HORMAD2: variants seen among roughly 807,000 people sequenced by gnomAD.
HORMAD2 encodes the protein HORMA domain-containing protein 2.
A neutral mutation model predicts 38.8 loss-of-function variants in HORMAD2; 45 were observed. The observed-to-expected ratio is 1.16, with a 90% CI of 0.91 to 1.49. HORMAD2 has a LOEUF of 1.49. Among genes scored for constraint, HORMAD2 ranks in the 40% most tolerant of loss-of-function variants. HORMAD2 has a pLI of 0.00. For missense variants in HORMAD2, 338 were observed against 367.0 expected, an observed-to-expected ratio of 0.92 and a Z score of 0.65; for synonymous variants, 126 against 122.8, an observed-to-expected ratio of 1.03 and a Z score of -0.17.
At chr22:30,133,233 C>A (rs1233525382) in intron 10 of HORMAD2, among the ~76,000 whole-genome samples, 1 of 151,898 alleles carries the variant, frequency 6.6e-6, no homozygotes, top group Non-Finnish European at 1.5e-5. Flanking sequence ...TTAAAGTTTT[C>A]TATTTGATGC....
intron 10 of HORMAD2, among the ~76,000 whole-genome samples, chr22:30,123,992 T>C (rs1032170264): frequency 1.4e-4 from 21 of 146,454 alleles, no homozygotes; most frequent in African/African-American, 5.0e-4. Context: ...ATTTCTTTCT[T>C]TTTTTTTTTT....
intron 5 of HORMAD2, among the ~76,000 whole-genome samples, chr22:30,110,574 CAG>C (rs1921561163): frequency 6.6e-6 from 1 of 151,710 alleles, no homozygotes; most frequent in Non-Finnish European, 1.5e-5. Flanking sequence ...TTAGTAGAGA[CAG>C]AGTTTCACCA....
At chr22:30,089,351 G>T (rs5997567) in intron 1 of HORMAD2, among the ~76,000 whole-genome samples, 27,077 of 149,996 alleles carry the variant, frequency 0.18, 2,492 homozygotes, top group African/African-American at 0.2. Flanking sequence ...ATTTGCTGCT[G>T]CTTCTTTTTT....
rs529991671 is a variant in HORMAD2, at chr22:30,109,606, T to C, written c.295-2190T>C. ...TGCTGGGATTACAGGCAAGAACCAC[T>C]GTGACTGGCCTGAAATTTTCTGATT... On this transcript the variant is annotated intron_variant, in intron 5 of 10. Coordinates refer to ENST00000336726, the MANE Select transcript of HORMAD2 (RefSeq NM_152510.4). 5.3e-5 allele frequency among the ~76,000 whole-genome samples: 8 copies of C among 152,342 alleles called. No homozygotes were observed. The East Asian group carries it at 1.3e-3, about 26-fold the overall frequency.
chr22:30,164,149 A>G (rs911822307), intron 10 of HORMAD2, among the ~76,000 whole-genome samples: 2 of 152,346 alleles, frequency 1.3e-5, no homozygotes, highest in Middle Eastern at 3.4e-3. Context: ...TTAAAGCTGA[A>G]TAATATTCCA....
intron 10 of HORMAD2, among the ~76,000 whole-genome samples, chr22:30,161,922 T>C (rs1432583845): frequency 6.6e-6 from 1 of 152,196 alleles, no homozygotes; most frequent in Non-Finnish European, 1.5e-5. Flanking sequence ...ATTTTTAAGT[T>C]TAATTATATT....
chr22:30,088,269 AT>A (rs1361278740), intron 1 of HORMAD2, among the ~76,000 whole-genome samples: 7 of 150,578 alleles, frequency 4.6e-5, no homozygotes. Flanking sequence ...ATATACATAT[AT>A]ACACACATAT....
At chr22:30,157,551 CT>C (rs1442871314) in intron 10 of HORMAD2, among the ~76,000 whole-genome samples, 1 of 151,200 alleles carries the variant, frequency 6.6e-6, no homozygotes, top group Non-Finnish European at 1.5e-5. Flanking sequence ...CAGACGAATA[CT>C]TTTTCAAGCT....
At chr22:30,118,903 C>G in intron 7 of HORMAD2, 77 bp from the exon 8 acceptor site, 1 of 938,022 alleles carries the variant, frequency 1.1e-6, no homozygotes, top group Non-Finnish European at 1.7e-6. Context: ...TGAAAATGTT[C>G]CTTACTTATG....
At chr22:30,187,116 A>G in the HORMAD2 span, among the ~76,000 whole-genome samples, 1 of 152,226 alleles carries the variant, frequency 6.6e-6, no homozygotes, top group African/African-American at 2.4e-5. Context: ...GTAGCATTCT[A>G]GAGAAAATTA....
chr22:30,098,944 C>A lies in HORMAD2; in HGVS notation c.144C>A (p.Tyr48Ter). 6.2e-6 allele frequency: 10 copies of A among 1,613,012 alleles called. No homozygotes were observed. In the South Asian group the frequency reaches 8.8e-5, roughly 14 times the overall value. ...LFATSISCIT[Y>*]LRGLFPESSY... is the part of the protein sequence containing the mutation. ...CTACTTCCATCTCATGTATAACATA[C>A]CTAAGGGGCCTGTTTCCAGAGAGCT... The change falls in exon 3 of 11, where the codon TAC (tyrosine) becomes TAA (stop). Residue 48 changes from tyrosine (Y) to a stop codon, truncating the protein, a stop_gained. Coordinates refer to ENST00000336726, the MANE Select transcript of HORMAD2 (RefSeq NM_152510.4). LOFTEE classifies it high-confidence loss of function.
chr22:30,114,540 T>C (rs546063105), intron 7 of HORMAD2, among the ~76,000 whole-genome samples: 3 of 152,236 alleles, frequency 2.0e-5, no homozygotes, highest in Non-Finnish European at 4.4e-5. Context: ...AACATAAACA[T>C]CGTCTTTGGC....
chr22:30,184,471 A>C, the HORMAD2 span, among the ~76,000 whole-genome samples: 1 of 152,172 alleles, frequency 6.6e-6, no homozygotes, highest in African/African-American at 2.4e-5. Context: ...CAAACATTTC[A>C]AGTTACTTAT....
the HORMAD2 span, among the ~76,000 whole-genome samples, chr22:30,199,520 C>A: frequency 1.3e-5 from 2 of 152,162 alleles, no homozygotes; most frequent in Non-Finnish European, 2.9e-5. Flanking sequence ...TTCTCTGGGT[C>A]CTATCTTGGC....
At chr22:30,171,487 C>T (rs1457543029) in intron 10 of HORMAD2, among the ~76,000 whole-genome samples, 1 of 152,116 alleles carries the variant, frequency 6.6e-6, no homozygotes, top group Non-Finnish European at 1.5e-5. Flanking sequence ...CTCTACCTGC[C>T]AAATATATCT....
At position 30,122,220 on chromosome 22, in the gene HORMAD2, G is replaced by A. The variant is rs764919673; in HGVS notation, c.819+6G>A. The stretch of plus-strand genomic sequence containing the variant: ...AAGAAGAATGCAATGACCATGTAAG[G>A]CAAAGCTTTAGAGATTTTCTATCGT... On this transcript the variant is annotated splice_donor_region_variant and intron_variant, in intron 10 of 10. Transcript: ENST00000336726. The A allele has an allele frequency of 3.7e-6, 6 of 1,603,448 alleles. No homozygotes were observed. In the Admixed American group the frequency reaches 8.6e-5, roughly 23 times the overall value.
chr22:30,173,267 C>T (rs146395336), intron 10 of HORMAD2, among the ~76,000 whole-genome samples: 259 of 152,258 alleles, frequency 1.7e-3, no homozygotes, highest in African/African-American at 5.7e-3. Flanking sequence ...AGCAGAAGAG[C>T]GATGTGTCAG....
chr22:30,122,185 T>A lies in HORMAD2; in HGVS notation c.790T>A (p.Cys264Ser), dbSNP rs1189489942. Residue 264 changes from cysteine to serine, a missense_variant, in exon 10 of 11, where the codon TGT becomes AGT. Coordinates refer to ENST00000336726, the MANE Select transcript of HORMAD2 (RefSeq NM_152510.4). The part of the protein sequence containing the change: ...TTEIAHQGLD[C>S]DEEEECNDHI... ...TGAGATCGCCCATCAGGGTCTAGACTGTGATGAGGAAGAAGAATGCAATGA... is the reference window on the plus strand; with the variant it reads ...TGAGATCGCCCATCAGGGTCTAGACAGTGATGAGGAAGAAGAATGCAATGA... 1 of 1,612,392 alleles carries A rather than the reference T, an allele frequency of 6.2e-7. No homozygotes were observed. Among genetic ancestry groups the A allele is most frequent in the African/African-American group, 1.3e-5 (1 of 74,864 alleles).
At chr22:30,194,109 A>G in the HORMAD2 span, among the ~76,000 whole-genome samples, 3 of 152,188 alleles carry the variant, frequency 2.0e-5, no homozygotes, top group East Asian at 5.8e-4. Context: ...AAGATTCTAT[A>G]TTCTTTAAGC....
Sources: allele counts gnomAD v4.1 joint callset (sites outside exome capture counted in the v4.1 genomes callset), GRCh38; gene constraint gnomAD v4.1.1; transcripts MANE v1.5; gene names NCBI Gene and HGNC (gene_info 2026-07-23, HGNC 2026-07-21).